Variants in SLC35F3 observed in about 807,000 individuals in gnomAD.
SLC35F3 encodes putative thiamine transporter SLC35F3.
In SLC35F3, 25 loss-of-function variants were observed where a neutral mutation model predicts 49.9. That is an observed-to-expected ratio of 0.50 (90% CI 0.37 to 0.70). The LOEUF (loss-of-function observed/expected upper bound fraction) is 0.70, where lower values mean the gene tolerates loss of function less well. Ranked by LOEUF, SLC35F3 falls within the 30% of genes least tolerant of loss-of-function variation. The pLI is 0.00. For synonymous variants in SLC35F3, 275 were observed against 265.4 expected (o/e 1.04, Z -0.35); for missense variants, 525 against 639.8 (o/e 0.82, Z 1.94).
At chr1:233,948,220 GGAGAGAGGGA>G (rs1488768968) in intron 2 of SLC35F3, among the ~76,000 whole-genome samples, 46 of 122,454 alleles carry the variant, frequency 3.8e-4, no homozygotes, top group African/African-American at 1.1e-3. Context: ...AGGGAGAGAG[GGAGAGAGGGA>G]GAGAGAGAGA....
chr1:234,023,360 G>A (rs146792859), intron 2 of SLC35F3, among the ~76,000 whole-genome samples: 94 of 152,288 alleles, frequency 6.2e-4, no homozygotes, highest in African/African-American at 1.7e-3. Flanking sequence ...AGGGTATGTC[G>A]TGGTGTACAG....
intron 2 of SLC35F3, among the ~76,000 whole-genome samples, chr1:234,045,210 A>T (rs1572030931): frequency 6.6e-6 from 1 of 152,302 alleles, no homozygotes; most frequent in East Asian, 1.9e-4. Flanking sequence ...AAAGGTGTAT[A>T]ACCTCATAGT....
intron 2 of SLC35F3, among the ~76,000 whole-genome samples, chr1:234,069,267 T>C (rs2102866999): frequency 6.9e-6 from 1 of 144,260 alleles, no homozygotes; most frequent in East Asian, 2.0e-4. Flanking sequence ...AATACATTTT[T>C]TTTTTTTTGA....
At chr1:234,275,196 T>G (rs1668182387) in intron 3 of SLC35F3, among the ~76,000 whole-genome samples, 1 of 152,226 alleles carries the variant, frequency 6.6e-6, no homozygotes, top group Non-Finnish European at 1.5e-5. Context: ...ATGCACAAAA[T>G]TCTTTAAAAT....
At chr1:234,318,717 C>T in intron 5 of SLC35F3, 34 bp from the exon 6 acceptor site, 1 of 1,594,290 alleles carries the variant, frequency 6.3e-7, no homozygotes, top group Non-Finnish European at 8.6e-7. Context: ...CTGAGGTGAG[C>T]CTTCACCCCG....
chr1:234,001,636 C>CCAG (rs1160059493), intron 2 of SLC35F3, among the ~76,000 whole-genome samples: 1 of 152,156 alleles, frequency 6.6e-6, no homozygotes, highest in East Asian at 1.9e-4. Flanking sequence ...AGGGGTATTA[C>CCAG]TGATGCAGTA....
chr1:234,066,082 A>C (rs1054152135), intron 2 of SLC35F3, among the ~76,000 whole-genome samples: 2 of 152,234 alleles, frequency 1.3e-5, no homozygotes, highest in African/African-American at 4.8e-5. Context: ...TTTGGGGTCC[A>C]GTAGCTCGCT....
chr1:233,973,345 A>G (rs1663025009), intron 2 of SLC35F3, among the ~76,000 whole-genome samples: 1 of 152,214 alleles, frequency 6.6e-6, no homozygotes, highest in Admixed American at 6.5e-5. Flanking sequence ...GGTCATTTCA[A>G]GTAGGGGTCC....
At chr1:234,129,726 A>G (rs992819361) in intron 2 of SLC35F3, among the ~76,000 whole-genome samples, 2 of 152,226 alleles carry the variant, frequency 1.3e-5, no homozygotes, top group Admixed American at 1.3e-4. Context: ...AGACAAATAG[A>G]TAATAGAAAA....
intron 2 of SLC35F3, among the ~76,000 whole-genome samples, chr1:233,941,997 T>C (rs1662433248): frequency 6.8e-6 from 1 of 148,136 alleles, no homozygotes; most frequent in Admixed American, 6.8e-5. Flanking sequence ...AGTCTCACTC[T>C]GTCTCCAGGC....
At chr1:234,137,421 A>G (rs1665827564) in intron 2 of SLC35F3, among the ~76,000 whole-genome samples, 2 of 152,200 alleles carry the variant, frequency 1.3e-5, no homozygotes, top group South Asian at 4.1e-4. Context: ...TGACTTAGCA[A>G]TCCCCAGAGC....
At chr1:234,321,573 C>T (rs1251711253) in intron 7 of SLC35F3, among the ~76,000 whole-genome samples, 1 of 152,216 alleles carries the variant, frequency 6.6e-6, no homozygotes, top group African/African-American at 2.4e-5. Flanking sequence ...GTGTTCCTGT[C>T]TCCAGAAGGC....
chr1:234,269,325 G>A (rs879899342), intron 3 of SLC35F3, among the ~76,000 whole-genome samples: 13 of 152,262 alleles, frequency 8.5e-5, no homozygotes, highest in Admixed American at 7.2e-4. Context: ...TGTCTAAAGG[G>A]CCTCCTATAC....
chr1:234,129,696 T>C (rs919498058), intron 2 of SLC35F3, among the ~76,000 whole-genome samples: 2 of 152,222 alleles, frequency 1.3e-5, no homozygotes, highest in Non-Finnish European at 2.9e-5. Context: ...ATTAGGACAG[T>C]GTAGTATTGG....
chr1:234,232,856 T>G (rs759776813), intron 3 of SLC35F3, among the ~76,000 whole-genome samples: 2 of 152,252 alleles, frequency 1.3e-5, no homozygotes, highest in African/African-American at 2.4e-5. Flanking sequence ...ATGTTGTTCC[T>G]GTAAACTTGT....
intron 3 of SLC35F3, among the ~76,000 whole-genome samples, chr1:234,283,796 T>G (rs937308053): frequency 6.6e-6 from 1 of 152,214 alleles, no homozygotes; most frequent in African/African-American, 2.4e-5. Flanking sequence ...AGCATGAGAA[T>G]GATCAGCCTT....
chr1:234,077,284 G>A (rs1432451367), intron 2 of SLC35F3, among the ~76,000 whole-genome samples: 2 of 152,074 alleles, frequency 1.3e-5, no homozygotes, highest in South Asian at 2.1e-4. Flanking sequence ...GATTACAGGC[G>A]TGAGCCACCG....
At chr1:234,102,880 TGTAAC>T (rs1484928067) in intron 2 of SLC35F3, among the ~76,000 whole-genome samples, 1 of 152,160 alleles carries the variant, frequency 6.6e-6, no homozygotes, top group Non-Finnish European at 1.5e-5. Context: ...ATTATCCACT[TGTAAC>T]GAAATAGAAG....
intron 2 of SLC35F3, among the ~76,000 whole-genome samples, chr1:234,117,838 A>T (rs1665512256): frequency 6.6e-6 from 1 of 150,442 alleles, no homozygotes; most frequent in Non-Finnish European, 1.5e-5. Context: ...GTGAGCCGAG[A>T]TGGTGCCACT....
Sources: allele counts gnomAD v4.1 joint callset (sites outside exome capture counted in the v4.1 genomes callset), GRCh38; gene constraint gnomAD v4.1.1; transcripts MANE v1.5; gene names NCBI Gene and HGNC (gene_info 2026-07-23, HGNC 2026-07-21).